EEIG2: variants seen among roughly 807,000 people sequenced by gnomAD.
EEIG2 encodes EEIG family member 2, also known as family with sequence similarity 102 member B.
the EEIG2 span, among the ~76,000 whole-genome samples, chr1:108,609,228 G>A: frequency 6.6e-6 from 1 of 152,176 alleles, no homozygotes; most frequent in South Asian, 2.1e-4. Context: ...TAAGTGCCAG[G>A]CACTGTTCTT....
the EEIG2 span, among the ~76,000 whole-genome samples, chr1:108,593,836 C>T: frequency 6.6e-6 from 1 of 152,128 alleles, no homozygotes; most frequent in Non-Finnish European, 1.5e-5. Context: ...GATAAAGCCT[C>T]GCTCTGTTGC....
chr1:108,624,057 A>C, the EEIG2 span, among the ~76,000 whole-genome samples: 1 of 152,208 alleles, frequency 6.6e-6, no homozygotes, highest in African/African-American at 2.4e-5. Flanking sequence ...AGGAGTTTGA[A>C]TTAACCAATG....
chr1:108,606,411 A>G, the EEIG2 span, among the ~76,000 whole-genome samples: 1 of 152,226 alleles, frequency 6.6e-6, no homozygotes, highest in Non-Finnish European at 1.5e-5. Context: ...ACAGTAAATT[A>G]TAGGCATATT....
At chr1:108,596,363 C>T in the EEIG2 span, among the ~76,000 whole-genome samples, 10 of 151,990 alleles carry the variant, frequency 6.6e-5, no homozygotes, top group Non-Finnish European at 1.5e-4. Flanking sequence ...CCCCAACAAC[C>T]GACCTGTTTC....
chr1:108,636,735 T>G, the EEIG2 span: 3 of 152,278 alleles, frequency 2.0e-5, no homozygotes, highest in Admixed American at 6.5e-5. Context: ...GAATAAAACA[T>G]TGACCTGAAC....
the EEIG2 span, among the ~76,000 whole-genome samples, chr1:108,606,924 A>G: frequency 6.6e-6 from 1 of 152,124 alleles, no homozygotes; most frequent in African/African-American, 2.4e-5. Context: ...TGGCCTCCCA[A>G]AGTGCTGAGA....
At chr1:108,605,654 A>C in the EEIG2 span, among the ~76,000 whole-genome samples, 2 of 152,266 alleles carry the variant, frequency 1.3e-5, no homozygotes, top group African/African-American at 4.8e-5. Flanking sequence ...AAATCTAAAG[A>C]TTTGGCAAAT....
At chr1:108,612,817 A>G in the EEIG2 span, among the ~76,000 whole-genome samples, 1 of 152,244 alleles carries the variant, frequency 6.6e-6, no homozygotes, top group Admixed American at 6.5e-5. Flanking sequence ...AGATTAATTG[A>G]GAAAATATTT....
chr1:108,569,552 C>T, the EEIG2 span, among the ~76,000 whole-genome samples: 1 of 152,184 alleles, frequency 6.6e-6, no homozygotes, highest in Admixed American at 6.5e-5. Flanking sequence ...TCTCAAATTC[C>T]TGGCCTCAAG....
chr1:108,620,337 AATTATATACC>A, the EEIG2 span, among the ~76,000 whole-genome samples: 121,691 of 151,728 alleles, frequency 0.8, 51,301 homozygotes, highest in Non-Finnish European at 0.93. Flanking sequence ...CTGAAGCACC[AATTATATACC>A]ATAAGGCCAG....
chr1:108,574,236 TTA>T, the EEIG2 span, among the ~76,000 whole-genome samples: 3 of 151,374 alleles, frequency 2.0e-5, no homozygotes, highest in African/African-American at 7.3e-5. Flanking sequence ...ATTGAGGACA[TTA>T]TGCTAAATAA....
the EEIG2 span, among the ~76,000 whole-genome samples, chr1:108,574,746 G>A: frequency 3.9e-5 from 6 of 152,272 alleles, no homozygotes; most frequent in Admixed American, 2.0e-4. Flanking sequence ...GCTAGACTTC[G>A]TCTCAAAGAA....
chr1:108,619,415 A>G, the EEIG2 span, among the ~76,000 whole-genome samples: 2 of 152,388 alleles, frequency 1.3e-5, no homozygotes, highest in Admixed American at 6.5e-5. Context: ...CATACTGAAT[A>G]TGTACTGAAT....
At chr1:108,570,692 G>A in the EEIG2 span, among the ~76,000 whole-genome samples, 2 of 152,160 alleles carry the variant, frequency 1.3e-5, no homozygotes, top group Admixed American at 6.5e-5. Flanking sequence ...AGGAGGCAGT[G>A]GGTAGTAGAA....
the EEIG2 span, chr1:108,629,527 A>T: frequency 8.7e-7 from 1 of 1,147,384 alleles, no homozygotes; most frequent in Non-Finnish European, 1.3e-6. Context: ...TACAATATCC[A>T]TATATTTGAC....
chr1:108,638,872 G>A, the EEIG2 span: 3 of 152,134 alleles, frequency 2.0e-5, no homozygotes, highest in African/African-American at 2.4e-5. Flanking sequence ...TTAAATGTTT[G>A]TGTGGGTGGT....
At chr1:108,617,587 T>C in the EEIG2 span, among the ~76,000 whole-genome samples, 3 of 152,172 alleles carry the variant, frequency 2.0e-5, no homozygotes, top group South Asian at 6.2e-4. Context: ...TTGGAAATTA[T>C]TACATCATCA....
chr1:108,632,760 A>C, the EEIG2 span, among the ~76,000 whole-genome samples: 2 of 146,516 alleles, frequency 1.4e-5, no homozygotes, highest in Non-Finnish European at 2.9e-5. Flanking sequence ...CCCTGGCTTT[A>C]TTAATTTAGG....
the EEIG2 span, chr1:108,616,564 G>A: frequency 1.7e-6 from 1 of 604,156 alleles, no homozygotes; most frequent in East Asian, 2.9e-5. Flanking sequence ...CTGGGAGACT[G>A]ACCTGACCCT....
Sources: allele counts gnomAD v4.1 joint callset (sites outside exome capture counted in the v4.1 genomes callset), GRCh38; gene constraint gnomAD v4.1.1; transcripts MANE v1.5; gene names NCBI Gene and HGNC (gene_info 2026-07-23, HGNC 2026-07-21).